ARHGEF3: variants seen among roughly 807,000 people sequenced by gnomAD.
ARHGEF3 encodes the protein Rho guanine nucleotide exchange factor 3.
Under a neutral mutation model 63.2 loss-of-function variants are expected in ARHGEF3, and 28 were observed. The observed-to-expected ratio is 0.44, with a 90% CI of 0.33 to 0.61. ARHGEF3 has a LOEUF of 0.61. ARHGEF3 is among the 20% of genes least tolerant of loss of function. ARHGEF3 has a pLI of 0.03. For synonymous variants in ARHGEF3, 266 were observed against 254.2 expected, an observed-to-expected ratio of 1.05 and a Z score of -0.44; for missense variants, 533 against 659.3, an observed-to-expected ratio of 0.81 and a Z score of 2.10.
intron 1 of ARHGEF3, among the ~76,000 whole-genome samples, chr3:57,056,948 C>T (rs1227227206): frequency 1.3e-5 from 2 of 151,832 alleles, no homozygotes; most frequent in South Asian, 2.1e-4. Context: ...CACACACACA[C>T]CCCACACACC....
At chr3:57,005,906 G>A (rs1458440971) in intron 2 of ARHGEF3, among the ~76,000 whole-genome samples, 5 of 152,140 alleles carry the variant, frequency 3.3e-5, no homozygotes, top group African/African-American at 1.2e-4. Flanking sequence ...TTACGTATGC[G>A]ATCTCCTCTG....
At chr3:57,062,628 A>G (rs895778953) in intron 1 of ARHGEF3, among the ~76,000 whole-genome samples, 9 of 152,192 alleles carry the variant, frequency 5.9e-5, no homozygotes, top group Non-Finnish European at 7.3e-5. Context: ...TCAGCAAAAC[A>G]CTATGTAGCT....
intron 3 of ARHGEF3, among the ~76,000 whole-genome samples, chr3:56,952,282 C>A (rs1699849507): frequency 6.6e-6 from 1 of 152,156 alleles, no homozygotes; most frequent in Non-Finnish European, 1.5e-5. Flanking sequence ...CTGACAGCGA[C>A]CCCAAGCTGA....
intron 6 of ARHGEF3, among the ~76,000 whole-genome samples, chr3:56,749,432 T>C (rs1198603094): frequency 1.3e-5 from 2 of 152,252 alleles, no homozygotes; most frequent in African/African-American, 2.4e-5. Context: ...AAGGAAACCA[T>C]GTAGTCCTGT....
chr3:56,880,170 T>C (rs2040719519), intron 4 of ARHGEF3, among the ~76,000 whole-genome samples: 1 of 152,172 alleles, frequency 6.6e-6, no homozygotes. Flanking sequence ...TCAGGAAAAA[T>C]GCCAGGTAAA....
chr3:56,836,243 T>G (rs2039103754), intron 4 of ARHGEF3, among the ~76,000 whole-genome samples: 1 of 152,238 alleles, frequency 6.6e-6, no homozygotes, highest in Admixed American at 6.5e-5. Context: ...TTCATCTCTT[T>G]CCTTTAGGGA....
At chr3:56,773,362 T>C (rs2036108494) in intron 2 of ARHGEF3, among the ~76,000 whole-genome samples, 1 of 152,176 alleles carries the variant, frequency 6.6e-6, no homozygotes, top group African/African-American at 2.4e-5. Flanking sequence ...TGGTTGAAGC[T>C]ACTAGGCTCT....
chr3:56,735,284 A>AAAAC (rs564882157), intron 8 of ARHGEF3, among the ~76,000 whole-genome samples: 73 of 152,276 alleles, frequency 4.8e-4, no homozygotes, highest in Admixed American at 1.4e-3. Context: ...ACTGTCTCAA[A>AAAAC]AAACAAACAA....
intron 4 of ARHGEF3, among the ~76,000 whole-genome samples, chr3:56,852,567 C>T (rs1420278554): frequency 1.3e-5 from 2 of 152,050 alleles, no homozygotes; most frequent in African/African-American, 4.8e-5. Flanking sequence ...TTCTCTAATG[C>T]GTCAGCAGAA....
chr3:56,801,681 C>T (rs1559953205), intron 1 of ARHGEF3, 22 bp downstream of exon 1: 1 of 1,552,418 alleles, frequency 6.4e-7, no homozygotes, highest in Admixed American at 2.0e-5. Context: ...CATAGAGGTC[C>T]AGGTGCAGGG....
At chr3:56,796,037 C>T (rs1253190492) in intron 1 of ARHGEF3, among the ~76,000 whole-genome samples, 2 of 151,844 alleles carry the variant, frequency 1.3e-5, no homozygotes, top group African/African-American at 2.4e-5. Flanking sequence ...AGTCCATGAG[C>T]CAACATAAGA....
intron 2 of ARHGEF3, among the ~76,000 whole-genome samples, chr3:57,021,196 A>C (rs1703242444): frequency 6.6e-6 from 1 of 152,254 alleles, no homozygotes; most frequent in African/African-American, 2.4e-5. Flanking sequence ...AACATTAGGA[A>C]ATCTATCAAT....
chr3:56,934,271 A>C (rs932328437), intron 3 of ARHGEF3, among the ~76,000 whole-genome samples: 6 of 152,244 alleles, frequency 3.9e-5, no homozygotes, highest in African/African-American at 1.2e-4. Flanking sequence ...GAGAATATTT[A>C]CTGAGCAGTT....
intron 1 of ARHGEF3, among the ~76,000 whole-genome samples, chr3:56,786,901 G>GT (rs2036847810): frequency 7.9e-6 from 1 of 126,490 alleles, no homozygotes. Context: ...GTTGGGTTTT[G>GT]TTAAAAAAAA....
rs376793122 is a variant in ARHGEF3 at position 56,801,780 on chromosome 3, G to T, written c.19C>A (p.Pro7Thr). 2 of 1,565,844 alleles carry T rather than the reference G, an allele frequency of 1.3e-6. No individual in the cohort carries two copies. Among genetic ancestry groups the T allele is most frequent in the Admixed American group, 1.9e-5 (1 of 53,030 alleles). MVAKDY[P>T]FYLTVKRANC... ...GCTCTCTTGACCGTGAGGTAGAAGGGGTAATCCTTGGCCACCATGGCGGCT... is the reference window on the plus strand; with the variant it reads ...GCTCTCTTGACCGTGAGGTAGAAGGTGTAATCCTTGGCCACCATGGCGGCT... The change falls in exon 1 of 10, where the codon CCC becomes ACC. Residue 7 changes from proline to threonine, a missense_variant. Physicochemically the swap from Pro to Thr is conservative, Grantham distance 38. Transcript: ENST00000296315.
intron 2 of ARHGEF3, among the ~76,000 whole-genome samples, chr3:56,757,237 C>A (rs1013897009): frequency 2.0e-5 from 3 of 152,176 alleles, no homozygotes; most frequent in African/African-American, 7.2e-5. Flanking sequence ...CTTTGGGAAG[C>A]CGAGGTGGGT....
At position 56,836,769 on chromosome 3, in the gene ARHGEF3, A is replaced by G. The variant is rs572666154; in HGVS notation, c.192+45523T>C. On this transcript the variant is annotated intron_variant, in intron 4 of 12. Coordinates refer to the ARHGEF3 transcript ENST00000338458. ...GGCAAAACCCCATCTCTACAAAAAAATACAAAAATTAGCTGGGTATGGTGG... is the reference window on the plus strand; with the variant it reads ...GGCAAAACCCCATCTCTACAAAAAAGTACAAAAATTAGCTGGGTATGGTGG... 3.1e-3 allele frequency among the ~76,000 whole-genome samples: 468 copies of G among 152,280 alleles called. 1 individual carries two copies. Among genetic ancestry groups the G allele is most frequent in the African/African-American group, 0.01 (430 of 41,570 alleles).
intron 2 of ARHGEF3, among the ~76,000 whole-genome samples, chr3:57,028,548 G>C (rs1170021001): frequency 1.0e-4 from 10 of 99,194 alleles, no homozygotes; most frequent in South Asian, 4.7e-4. Flanking sequence ...GTGGTGGGGT[G>C]GGGGGAGGGG....
intron 3 of ARHGEF3, among the ~76,000 whole-genome samples, chr3:56,931,338 G>A (rs2042404851): frequency 6.6e-6 from 1 of 152,054 alleles, no homozygotes; most frequent in South Asian, 2.1e-4. Context: ...CACTTTGGGA[G>A]GCCGAGACAG....
Sources: gnomAD v4.1 joint callset for allele counts (sites outside exome capture counted in the v4.1 genomes callset) on GRCh38, gnomAD v4.1.1 for gene constraint, MANE v1.5 for transcripts, NCBI Gene and HGNC (gene_info 2026-07-23, HGNC 2026-07-21) for gene names.